The following KANK4 variants were observed in gnomAD, a reference collection of about 807,000 sequenced individuals.
KANK4 encodes the protein KN motif and ankyrin repeat domain-containing protein 4.
Under a neutral mutation model 80.8 loss-of-function variants are expected in KANK4, and 50 were observed. The observed-to-expected ratio is 0.62, with a 90% CI of 0.49 to 0.78. The LOEUF (loss-of-function observed/expected upper bound fraction) is 0.78. KANK4 is among the 30% of genes least tolerant of loss of function. The pLI, the probability that KANK4 is intolerant of heterozygous loss-of-function variation, is 0.00. For missense variants in KANK4, 1,196 were observed against 1,240.1 expected, an observed-to-expected ratio of 0.96 and a Z score of 0.53; for synonymous variants, 465 against 506.9, an observed-to-expected ratio of 0.92 and a Z score of 1.11.
intron 2 of KANK4, among the ~76,000 whole-genome samples, chr1:62,277,476 G>C (rs924076090): frequency 1.3e-5 from 2 of 152,134 alleles, no homozygotes; most frequent in Non-Finnish European, 2.9e-5. Flanking sequence ...TTGAATCCGG[G>C]TTGGCCTGCA....
intron 9 of KANK4, 31 bp from the exon 10 acceptor site, chr1:62,238,412 T>C (rs1287471242): frequency 1.9e-6 from 3 of 1,591,836 alleles, no homozygotes; most frequent in Non-Finnish European, 1.7e-6. Context: ...AAGAAATAAA[T>C]ATCATCCAAT....
chr1:62,295,004 A>G (rs1249948069), intron 1 of KANK4, among the ~76,000 whole-genome samples: 6 of 152,248 alleles, frequency 3.9e-5, no homozygotes, highest in Non-Finnish European at 8.8e-5. Context: ...CAAAGTTACT[A>G]AGAAAAGGCA....
In KANK4 at chr1:62,271,468, C is replaced by T. The variant is rs937265409; in HGVS notation, c.2012+10G>A. The T allele has an allele frequency of 5.7e-6, 9 of 1,577,336 alleles. No individual in the cohort carries two copies. The highest frequency in any genetic ancestry group is 2.7e-5 in the African/African-American group (2 of 74,136). ...AGAAAGGCAGTCTGAGCTTCACAAG[C>T]GATGCTTACCCACCGTTAACCCCAA... On this transcript the variant is annotated intron_variant, in intron 4 of 9. Coordinates refer to ENST00000371153, the MANE Select transcript of KANK4 (RefSeq NM_181712.5).
intron 9 of KANK4, among the ~76,000 whole-genome samples, chr1:62,243,858 G>A (rs77302198): frequency 0.028 from 4,241 of 152,114 alleles, 198 homozygotes; most frequent in African/African-American, 0.098. Context: ...GGGGTCAGTC[G>A]CCCTACTCTG....
Position 62,238,055 on chromosome 1 carries a change from C to T in KANK4, c.*222G>A. On this transcript the variant is annotated 3_prime_UTR_variant, in exon 10 of 10. Coordinates refer to ENST00000371153, the MANE Select transcript of KANK4 (RefSeq NM_181712.5). The stretch of plus-strand genomic sequence containing the variant: ...CGTACCCCTCACCTTGCACCTTGAA[C>T]CCTGCTCTGAAGCCCGTGTAGTTTT... 2.0e-6 allele frequency: 1 copy of T among 489,662 alleles called. No individual in the cohort carries two copies. The highest frequency in any genetic ancestry group is 3.1e-5 in the East Asian group (1 of 32,272). 30.3% of individuals were successfully genotyped at this position (489,662 alleles called of 1,614,324 possible).
Position 62,263,295 on chromosome 1 carries a change from G to A in KANK4, c.2336C>T (p.Thr779Ile), listed in dbSNP as rs757047723. 1.7e-5 allele frequency: 27 copies of A among 1,613,080 alleles called. No homozygotes were observed. In the South Asian group the frequency reaches 2.9e-4, roughly 17 times the overall value. Residue 779 changes from threonine (T) to isoleucine (I), a missense_variant, in exon 7 of 10, where the codon ACC becomes ATC. Transcript: ENST00000371153. ...GACGCGGAACCACTCTTGACTGATG[G>A]TGTTCAAGCTTTGCCTCTGAAACCC... ...TDQLLRQSLN[T>I]ISQEWFRVSS...
At chr1:62,269,037 C>T (rs1672096534) in intron 4 of KANK4, among the ~76,000 whole-genome samples, 1 of 152,254 alleles carries the variant, frequency 6.6e-6, no homozygotes, top group African/African-American at 2.4e-5. Flanking sequence ...AACTCCTCCA[C>T]ACCTACATCC....
At chr1:62,312,783 G>C (rs966009553) in intron 1 of KANK4, among the ~76,000 whole-genome samples, 1 of 152,244 alleles carries the variant, frequency 6.6e-6, no homozygotes, top group African/African-American at 2.4e-5. Flanking sequence ...CAACAAAAGA[G>C]AGCTTCGTGC....
chr1:62,279,729 C>T (rs904076547), intron 2 of KANK4, among the ~76,000 whole-genome samples: 8 of 152,228 alleles, frequency 5.3e-5, no homozygotes, highest in African/African-American at 1.9e-4. Context: ...TGGGCTGGTT[C>T]TGAATGCGGC....
At chr1:62,267,015 T>C (rs1672037972) in intron 5 of KANK4, among the ~76,000 whole-genome samples, 196 bp from the exon 6 acceptor site, 1 of 151,974 alleles carries the variant, frequency 6.6e-6, no homozygotes, top group South Asian at 2.1e-4. Context: ...TGAATGCTTC[T>C]GAAGATGAGC....
At chr1:62,317,870 A>C (rs1041276855) in intron 1 of KANK4, among the ~76,000 whole-genome samples, 22 of 152,206 alleles carry the variant, frequency 1.4e-4, no homozygotes, top group African/African-American at 5.3e-4. Context: ...TACGTTGACC[A>C]GTGCCTGGCA....
intron 4 of KANK4, among the ~76,000 whole-genome samples, chr1:62,271,166 T>C (rs905820904): frequency 4.6e-5 from 7 of 152,282 alleles, no homozygotes; most frequent in African/African-American, 1.7e-4. Flanking sequence ...TAGTTTCAGT[T>C]TTATGGTTCA....
intron 9 of KANK4, among the ~76,000 whole-genome samples, chr1:62,239,082 T>C (rs1025793011): frequency 1.3e-5 from 2 of 151,702 alleles, no homozygotes; most frequent in African/African-American, 4.8e-5. Context: ...TTTTTTTTAA[T>C]TTTTTAAACC....
chr1:62,236,882 C>T lies in KANK4; in HGVS notation c.*1395G>A, dbSNP rs1294970721. On this transcript the variant is annotated 3_prime_UTR_variant, in exon 10 of 10. Transcript: ENST00000371153. ...AAGTGCTGGGATTACAGGCGTGAAC[C>T]ACCGCGCTCGGCCACAAATTGGATT... is the stretch of plus-strand genomic sequence containing the variant. The T allele has an allele frequency of 6.6e-6, 1 of 152,178 alleles. No homozygotes were observed. Among genetic ancestry groups the T allele is most frequent in the Admixed American group, 6.6e-5 (1 of 15,256 alleles). 9.4% of individuals were successfully genotyped at this position (152,178 alleles called of 1,614,324 possible).
intron 7 of KANK4, among the ~76,000 whole-genome samples, chr1:62,255,006 C>T (rs906186962): frequency 3.3e-5 from 5 of 150,794 alleles, no homozygotes; most frequent in African/African-American, 1.2e-4. Flanking sequence ...CTGCCTCAGC[C>T]TCCTGAGTAG....
chr1:62,245,967 G>A (rs965234913), intron 9 of KANK4, among the ~76,000 whole-genome samples: 1 of 152,152 alleles, frequency 6.6e-6, no homozygotes, highest in African/African-American at 2.4e-5. Flanking sequence ...GAACGTTAAG[G>A]GTATGGGCCC....
At chr1:62,306,234 C>G (rs987923291) in intron 1 of KANK4, among the ~76,000 whole-genome samples, 1 of 152,146 alleles carries the variant, frequency 6.6e-6, no homozygotes, top group African/African-American at 2.4e-5. Context: ...AAGCGATCCT[C>G]CTGCCTCAGC....
At chr1:62,306,745 C>G (rs566298473) in intron 1 of KANK4, among the ~76,000 whole-genome samples, 3 of 151,956 alleles carry the variant, frequency 2.0e-5, no homozygotes, top group African/African-American at 7.3e-5. Flanking sequence ...GTTCACAAAG[C>G]CTTTCAAATT....
At chr1:62,295,230 C>T (rs1644352823) in intron 1 of KANK4, among the ~76,000 whole-genome samples, 1 of 152,154 alleles carries the variant, frequency 6.6e-6, no homozygotes, top group Admixed American at 6.5e-5. Flanking sequence ...CCTTCACCTC[C>T]CGGGTTCAAG....
Sources: allele counts gnomAD v4.1 joint callset (sites outside exome capture counted in the v4.1 genomes callset), GRCh38; gene constraint gnomAD v4.1.1; transcripts MANE v1.5; gene names NCBI Gene and HGNC (gene_info 2026-07-23, HGNC 2026-07-21).